The following NBEA variants were observed in gnomAD, a reference collection of about 807,000 sequenced individuals.
The protein encoded by NBEA is neurobeachin, also known as lysosomal-trafficking regulator 2.
A neutral mutation model predicts 343.4 loss-of-function variants in NBEA; 44 were observed. That is an observed-to-expected ratio of 0.13 (90% CI 0.10 to 0.16). The LOEUF is 0.16. Ranked by LOEUF, NBEA falls within the 10% of genes least tolerant of loss-of-function variation. The pLI, the probability that NBEA is intolerant of heterozygous loss-of-function variation, is 1.00. For missense variants in NBEA, 2,555 were observed against 3,631.3 expected (o/e 0.70, Z 7.62); for synonymous variants, 1,175 against 1,238.7 (o/e 0.95, Z 1.08).
intron 35 of NBEA, among the ~76,000 whole-genome samples, chr13:35,304,331 CTGTGTGTG>C (rs375468846): frequency 7.4e-5 from 11 of 148,994 alleles, no homozygotes; most frequent in African/African-American, 2.5e-4. Flanking sequence ...AAGCAATTCT[CTGTGTGTG>C]TGTGTGTGTG....
intron 38 of NBEA, among the ~76,000 whole-genome samples, chr13:35,362,434 T>A (rs1766972): frequency 0.3 from 45,887 of 151,718 alleles, 9,199 homozygotes; most frequent in African/African-American, 0.57. Flanking sequence ...GATGAGAAAA[T>A]AAACTTTTCC....
chr13:35,005,836 A>T (rs2061299605), intron 1 of NBEA, among the ~76,000 whole-genome samples: 1 of 152,188 alleles, frequency 6.6e-6, no homozygotes, highest in South Asian at 2.1e-4. Context: ...ACTTCCAGAT[A>T]TGTGTATGCA....
intron 1 of NBEA, among the ~76,000 whole-genome samples, chr13:35,007,024 G>A (rs925789323): frequency 6.6e-6 from 1 of 152,078 alleles, no homozygotes; most frequent in Non-Finnish European, 1.5e-5. Flanking sequence ...TCTTTTTCTC[G>A]TCACTTTTTA....
intron 1 of NBEA, among the ~76,000 whole-genome samples, chr13:34,945,955 T>C (rs995140054): frequency 1.6e-4 from 25 of 152,156 alleles, no homozygotes; most frequent in Non-Finnish European, 2.9e-5. Flanking sequence ...GAGACCTATT[T>C]TTACTACTAG....
At chr13:35,596,650 C>T (rs1009665853) in intron 47 of NBEA, among the ~76,000 whole-genome samples, 6 of 152,046 alleles carry the variant, frequency 3.9e-5, no homozygotes, top group African/African-American at 1.4e-4. Flanking sequence ...ATTTCTTTCC[C>T]TCTAGCCTAG....
chr13:35,185,772 A>C (rs1353563687), intron 30 of NBEA: 2 of 152,172 alleles, frequency 1.3e-5, no homozygotes, highest in Admixed American at 6.5e-5. Context: ...CTTTAAGGCC[A>C]ATGTGGTAAA....
intron 1 of NBEA, among the ~76,000 whole-genome samples, chr13:35,006,113 C>T (rs747566032): frequency 2.0e-5 from 3 of 152,100 alleles, no homozygotes; most frequent in Non-Finnish European, 2.9e-5. Context: ...AGTCTCTTTA[C>T]GTGTAATTAT....
intron 17 of NBEA, among the ~76,000 whole-genome samples, chr13:35,131,452 A>G (rs1298413806): frequency 3.3e-5 from 5 of 152,214 alleles, no homozygotes; most frequent in Non-Finnish European, 5.9e-5. Flanking sequence ...GAATAGCTAT[A>G]TAATTATGAT....
At chr13:35,455,203 T>C (rs2046506544) in intron 40 of NBEA, among the ~76,000 whole-genome samples, 1 of 152,112 alleles carries the variant, frequency 6.6e-6, no homozygotes, top group Non-Finnish European at 1.5e-5. Flanking sequence ...TTTCCTGTTA[T>C]TTACAAAACC....
chr13:35,600,924 C>T (rs2082016231), intron 47 of NBEA, among the ~76,000 whole-genome samples: 1 of 152,086 alleles, frequency 6.6e-6, no homozygotes, highest in Admixed American at 6.6e-5. Flanking sequence ...TGCCTGTAAT[C>T]ACAGCACTTG....
At chr13:35,272,322 A>T (rs527800234) in intron 34 of NBEA, among the ~76,000 whole-genome samples, 1 of 152,316 alleles carries the variant, frequency 6.6e-6, no homozygotes, top group South Asian at 2.1e-4. Flanking sequence ...TTTTGTCATC[A>T]CCAGGCCCAT....
At chr13:35,335,094 C>G (rs1594258040) in intron 36 of NBEA, among the ~76,000 whole-genome samples, 2 of 152,074 alleles carry the variant, frequency 1.3e-5, no homozygotes, top group South Asian at 2.1e-4. Flanking sequence ...TTTCCCCACA[C>G]CATTTATTAA....
chr13:35,309,555 G>T lies in NBEA; in HGVS notation c.5866G>T (p.Ala1956Ser). The change falls in exon 36 of 59, where the codon GCA (alanine) becomes TCA (serine). Residue 1956 changes from alanine to serine, a missense_variant. This residue lies in a region of NBEA where 84 missense variants were observed against 196.4 expected (regional missense o/e 0.43). Coordinates refer to ENST00000379939, the MANE Select transcript of NBEA (RefSeq NM_001385012.1). ...QEWQNSIQKN[A>S]GLAFIELINE... ...ATGGCAAAACTCTATTCAGAAGAAT[G>T]CAGGACTTGCATTTATTGAGCTCAT... 6.3e-7 allele frequency: 1 copy of T among 1,592,362 alleles called. No individual in the cohort carries two copies. The highest frequency in any genetic ancestry group is 8.5e-7 in the Non-Finnish European group (1 of 1,170,594).
intron 33 of NBEA, among the ~76,000 whole-genome samples, chr13:35,215,497 G>A (rs1014003496): frequency 1.3e-5 from 2 of 151,628 alleles, no homozygotes; most frequent in Admixed American, 6.6e-5. Context: ...TGAAATTATA[G>A]GAAATGCAAA....
At chr13:35,036,801 CT>C (rs1183903236) in intron 1 of NBEA, among the ~76,000 whole-genome samples, 1 of 152,062 alleles carries the variant, frequency 6.6e-6, no homozygotes, top group Non-Finnish European at 1.5e-5. Context: ...GTTCTTGTTT[CT>C]TTTCTCTTGC....
At chr13:35,120,316 C>G (rs1444309168) in intron 16 of NBEA, among the ~76,000 whole-genome samples, 1 of 152,006 alleles carries the variant, frequency 6.6e-6, no homozygotes, top group East Asian at 1.9e-4. Flanking sequence ...GTGCTCATGG[C>G]TGACCATGAG....
intron 10 of NBEA, among the ~76,000 whole-genome samples, chr13:35,089,111 A>G (rs2064929091): frequency 1.1e-5 from 1 of 87,000 alleles, no homozygotes; most frequent in Non-Finnish European, 2.3e-5. Context: ...CTACCATCAG[A>G]GTGAACAGGC....
intron 24 of NBEA, among the ~76,000 whole-genome samples, chr13:35,166,944 A>G (rs981782050): frequency 3.3e-5 from 5 of 152,106 alleles, no homozygotes; most frequent in Non-Finnish European, 7.4e-5. Context: ...GAAAGGAAAC[A>G]TTGTCTTGTA....
intron 18 of NBEA, among the ~76,000 whole-genome samples, chr13:35,145,655 G>A (rs7335218): frequency 0.028 from 4,320 of 152,226 alleles, 91 homozygotes; most frequent in South Asian, 0.075. Flanking sequence ...GGATTAGTTC[G>A]CTCAAAAGCA....
Sources: gnomAD v4.1 joint callset for allele counts (sites outside exome capture counted in the v4.1 genomes callset) on GRCh38, gnomAD v4.1.1 for gene constraint, gnomAD v4.1.1 regional missense constraint, MANE v1.5 for transcripts, NCBI Gene and HGNC (gene_info 2026-07-23, HGNC 2026-07-21) for gene names.